The following GRK5 variants were observed in gnomAD, a reference collection of about 807,000 sequenced individuals.
GRK5 encodes the protein g protein-coupled receptor kinase GRK5.
In GRK5, 40 loss-of-function variants were observed where a neutral mutation model predicts 78.4. The ratio of observed to expected loss-of-function variants is 0.51; its 90% CI spans 0.40 to 0.66. The LOEUF is 0.66. Ranked by LOEUF, GRK5 falls within the 30% of genes least tolerant of loss-of-function variation. The pLI, the probability that GRK5 is intolerant of heterozygous loss-of-function variation, is 0.00. For missense variants in GRK5, 598 were observed against 759.9 expected (o/e 0.79, Z 2.50); for synonymous variants, 289 against 296.8 (o/e 0.97, Z 0.27).
chr10:119,408,232 C>T (rs557906075), intron 4 of GRK5, among the ~76,000 whole-genome samples: 4 of 142,040 alleles, frequency 2.8e-5, no homozygotes, highest in African/African-American at 1.0e-4. Flanking sequence ...CCTTGCTACA[C>T]AGGAAGCTGA....
intron 4 of GRK5, among the ~76,000 whole-genome samples, chr10:119,398,472 T>G (rs1332047245): frequency 6.6e-6 from 1 of 152,122 alleles, no homozygotes; most frequent in East Asian, 1.9e-4. Context: ...GAGAGGCCAC[T>G]CTGCTGAAGG....
intron 2 of GRK5, among the ~76,000 whole-genome samples, chr10:119,354,733 A>T (rs888126363): frequency 6.6e-6 from 1 of 152,176 alleles, no homozygotes; most frequent in African/African-American, 2.4e-5. Context: ...TCCATTGTAC[A>T]GTTGATCCTT....
chr10:119,353,686 C>T (rs1564902148), intron 2 of GRK5, among the ~76,000 whole-genome samples: 1 of 152,142 alleles, frequency 6.6e-6, no homozygotes, highest in African/African-American at 2.4e-5. Context: ...GCAGTCAGCT[C>T]AGCAGAGGTG....
chr10:119,256,312 C>T (rs1364866329), intron 1 of GRK5, among the ~76,000 whole-genome samples: 1 of 152,194 alleles, frequency 6.6e-6, no homozygotes, highest in Non-Finnish European at 1.5e-5. Context: ...AGCCTGGGAG[C>T]TTGGGAGGGG....
chr10:119,283,748 C>T (rs1438880870), intron 1 of GRK5, among the ~76,000 whole-genome samples: 1 of 152,212 alleles, frequency 6.6e-6, no homozygotes, highest in East Asian at 1.9e-4. Context: ...CCCCACTCCC[C>T]AAAATGTGGC....
intron 1 of GRK5, among the ~76,000 whole-genome samples, chr10:119,311,181 G>A (rs570707153): frequency 1.3e-5 from 2 of 152,282 alleles, no homozygotes; most frequent in South Asian, 4.1e-4. Flanking sequence ...TTCCGGTCCT[G>A]CCTCGCCCAT....
Position 119,220,679 on chromosome 10 carries a change from C to T in GRK5, c.52+12710C>T, listed in dbSNP as rs530301336. Reference sequence around the variant, plus strand: ...GCAAAACCCCGTCTCTATTAAAAATCCAAGAATTAGCCAGGCATGGTGGCA... The same window carrying T: ...GCAAAACCCCGTCTCTATTAAAAATTCAAGAATTAGCCAGGCATGGTGGCA... On this transcript the variant is annotated intron_variant, in intron 1 of 15. Transcript: ENST00000392870. 6.7e-4 allele frequency among the ~76,000 whole-genome samples: 96 copies of T among 143,522 alleles called. 1 individual carries two copies. The highest frequency in any genetic ancestry group is 4.2e-3 in the Middle Eastern group (1 of 236). The allele number at this position is 143,522 out of a possible 152,430, so 94.2% of individuals were successfully genotyped here.
intron 1 of GRK5, among the ~76,000 whole-genome samples, chr10:119,243,183 G>C (rs191478948): frequency 2.5e-3 from 386 of 152,322 alleles, no homozygotes; most frequent in African/African-American, 8.5e-3. Flanking sequence ...GTTGCAGTGA[G>C]CTGAGATCAC....
At chr10:119,406,324 C>A in intron 4 of GRK5, 1 of 243,082 alleles carries the variant, frequency 4.1e-6, no homozygotes, top group Non-Finnish European at 6.6e-6. Flanking sequence ...GGGCAAAGAG[C>A]ACTGGACTGG....
intron 2 of GRK5, among the ~76,000 whole-genome samples, chr10:119,330,603 A>T (rs1307781544): frequency 6.6e-6 from 1 of 152,124 alleles, no homozygotes; most frequent in African/African-American, 2.4e-5. Flanking sequence ...CTATTCCTAG[A>T]TTCAAAGAGC....
intron 1 of GRK5, among the ~76,000 whole-genome samples, chr10:119,272,059 G>A (rs1005733453): frequency 6.6e-6 from 1 of 152,206 alleles, no homozygotes. Flanking sequence ...GTAGGCTGAC[G>A]CGGCCCTCCT....
At chr10:119,245,375 C>T (rs1849091138) in intron 1 of GRK5, among the ~76,000 whole-genome samples, 1 of 152,048 alleles carries the variant, frequency 6.6e-6, no homozygotes, top group African/African-American at 2.4e-5. Context: ...GAAACAACCT[C>T]AAAGTCTATA....
intron 2 of GRK5, among the ~76,000 whole-genome samples, chr10:119,355,232 A>T (rs1364104969): frequency 1.3e-5 from 2 of 152,246 alleles, no homozygotes; most frequent in African/African-American, 4.8e-5. Flanking sequence ...GAATCCATGG[A>T]TAAGGAATGC....
rs112138338 is a variant in GRK5 at position 119,235,448 on chromosome 10, G to A, written c.52+27479G>A. 2.8e-3 allele frequency among the ~76,000 whole-genome samples: 421 copies of A among 152,262 alleles called. 3 individuals carry two copies. The highest frequency in any genetic ancestry group is 9.7e-3 in the African/African-American group (404 of 41,554). ...TCAAGTCTATGTAAATGAGTTCCTCGGTGAAGAGAAAAGCAAATGCACTGC... is the reference window on the plus strand; with the variant it reads ...TCAAGTCTATGTAAATGAGTTCCTCAGTGAAGAGAAAAGCAAATGCACTGC... On this transcript the variant is annotated intron_variant, in intron 1 of 15. Transcript: ENST00000392870.
chr10:119,300,316 A>G (rs2133720184), intron 1 of GRK5, among the ~76,000 whole-genome samples: 1 of 152,302 alleles, frequency 6.6e-6, no homozygotes, highest in East Asian at 1.9e-4. Context: ...TTGCAGACTG[A>G]TGTGTTACCT....
At chr10:119,340,125 T>TTTG (rs575921582) in intron 2 of GRK5, among the ~76,000 whole-genome samples, 2 of 151,810 alleles carry the variant, frequency 1.3e-5, no homozygotes, top group African/African-American at 4.9e-5. Context: ...TGTTTGTTTG[T>TTTG]TTTGTTTTGT....
intron 2 of GRK5, among the ~76,000 whole-genome samples, chr10:119,326,942 G>T (rs867416663): frequency 6.6e-6 from 1 of 152,210 alleles, no homozygotes; most frequent in Non-Finnish European, 1.5e-5. Flanking sequence ...GTTCTGTAAC[G>T]GCCCAAAGTC....
rs1589816306 is a variant in GRK5 at position 119,448,270 on chromosome 10, C to T, written c.1404+10C>T. 2 of 1,585,180 alleles carry T rather than the reference C, an allele frequency of 1.3e-6. No individual in the cohort carries two copies. Among genetic ancestry groups the T allele is most frequent in the African/African-American group, 2.7e-5 (2 of 72,948 alleles). The stretch of plus-strand genomic sequence containing the variant: ...TCCCTTCGTTCCAGACGTGAGTAGC[C>T]TCCCCCAGCCCCCAGCAGCTCCCTT... On this transcript the variant is annotated intron_variant, in intron 13 of 15. Coordinates refer to ENST00000392870, the MANE Select transcript of GRK5 (RefSeq NM_005308.3).
intron 13 of GRK5, among the ~76,000 whole-genome samples, chr10:119,451,871 T>C (rs1436915450): frequency 6.6e-6 from 1 of 152,206 alleles, no homozygotes; most frequent in Non-Finnish European, 1.5e-5. Flanking sequence ...GTCAGGAGAC[T>C]ATAAGCAGGA....
Sources: gnomAD v4.1 joint callset for allele counts (sites outside exome capture counted in the v4.1 genomes callset) on GRCh38, gnomAD v4.1.1 for gene constraint, MANE v1.5 for transcripts, NCBI Gene and HGNC (gene_info 2026-07-23, HGNC 2026-07-21) for gene names.